KCNB2: variants seen among roughly 807,000 people sequenced by gnomAD.
KCNB2 encodes the protein potassium voltage-gated channel subfamily B member 2.
A neutral mutation model predicts 61.5 loss-of-function variants in KCNB2; 15 were observed. That is an observed-to-expected ratio of 0.24 (90% confidence interval 0.16 to 0.38). KCNB2 has a LOEUF of 0.38. Among genes scored for constraint, KCNB2 ranks in the 10% least tolerant of loss-of-function variants. The pLI is 1.00. For synonymous variants in KCNB2, 457 were observed against 446.0 expected, an observed-to-expected ratio of 1.02 and a Z score of -0.31; for missense variants, 828 against 1,125.2, an observed-to-expected ratio of 0.74 and a Z score of 3.78.
chr8:72,866,917 G>A (rs1805530435), intron 2 of KCNB2, among the ~76,000 whole-genome samples: 2 of 152,132 alleles, frequency 1.3e-5, no homozygotes, highest in Admixed American at 6.5e-5. Context: ...CCCAGTGTGT[G>A]CCTGTGGCCC....
chr8:72,771,113 T>C (rs745838455), intron 2 of KCNB2, among the ~76,000 whole-genome samples: 1 of 152,210 alleles, frequency 6.6e-6, no homozygotes, highest in Non-Finnish European at 1.5e-5. Flanking sequence ...AAAAATCATC[T>C]GAGGTTGCAA....
chr8:72,592,984 A>G (rs893663739), intron 2 of KCNB2, among the ~76,000 whole-genome samples: 4 of 152,112 alleles, frequency 2.6e-5, no homozygotes, highest in South Asian at 2.1e-4. Context: ...TAAATAAAAG[A>G]CTTTTTGAAT....
chr8:72,697,241 C>G (rs1338576461), intron 2 of KCNB2, among the ~76,000 whole-genome samples: 1 of 152,180 alleles, frequency 6.6e-6, no homozygotes, highest in East Asian at 1.9e-4. Context: ...TCCTACAACT[C>G]TGGTGCAGAT....
At chr8:72,666,320 T>A (rs1034615507) in intron 2 of KCNB2, among the ~76,000 whole-genome samples, 6 of 145,968 alleles carry the variant, frequency 4.1e-5, no homozygotes, top group Admixed American at 2.6e-4. Flanking sequence ...TAGTTCTTTC[T>A]GCTGCTTAAA....
intron 2 of KCNB2, among the ~76,000 whole-genome samples, chr8:72,822,663 C>A (rs983303903): frequency 1.3e-5 from 2 of 152,136 alleles, no homozygotes; most frequent in Admixed American, 6.5e-5. Flanking sequence ...TTTTAAGTGA[C>A]TATAAATCAG....
intron 2 of KCNB2, among the ~76,000 whole-genome samples, chr8:72,597,109 C>T (rs961153762): frequency 7.0e-6 from 1 of 142,568 alleles, no homozygotes; most frequent in African/African-American, 2.7e-5. Context: ...CTGCAACATT[C>T]GCCTCCTGGG....
At chr8:72,709,378 A>C (rs1284413884) in intron 2 of KCNB2, among the ~76,000 whole-genome samples, 1 of 152,056 alleles carries the variant, frequency 6.6e-6, no homozygotes, top group Non-Finnish European at 1.5e-5. Flanking sequence ...TTGCATCACT[A>C]TAAAGGTATA....
At chr8:72,663,014 C>G (rs1345478099) in intron 2 of KCNB2, among the ~76,000 whole-genome samples, 1 of 152,128 alleles carries the variant, frequency 6.6e-6, no homozygotes, top group Non-Finnish European at 1.5e-5. Flanking sequence ...GAGCTCCTCC[C>G]TACCATGGAG....
intron 2 of KCNB2, among the ~76,000 whole-genome samples, chr8:72,626,970 G>T (rs1045536257): frequency 6.6e-6 from 1 of 152,184 alleles, no homozygotes; most frequent in African/African-American, 2.4e-5. Flanking sequence ...CTAACTGGGG[G>T]CTCTAAGGGC....
intron 2 of KCNB2, among the ~76,000 whole-genome samples, chr8:72,842,953 T>G (rs1809919284): frequency 6.6e-6 from 1 of 152,232 alleles, no homozygotes; most frequent in African/African-American, 2.4e-5. Context: ...TGCTCTGATC[T>G]TAGTTATTAT....
chr8:72,813,129 G>A (rs1359778129), intron 2 of KCNB2, among the ~76,000 whole-genome samples: 2 of 152,156 alleles, frequency 1.3e-5, no homozygotes, highest in African/African-American at 4.8e-5. Context: ...ACAAAATGGG[G>A]TATTGGTTTC....
chr8:72,637,026 C>T (rs565379072), intron 2 of KCNB2, among the ~76,000 whole-genome samples: 2 of 147,950 alleles, frequency 1.4e-5, no homozygotes, highest in East Asian at 3.9e-4. Context: ...GATGCTCTTG[C>T]CTTGAGTGTA....
intron 2 of KCNB2, among the ~76,000 whole-genome samples, chr8:72,726,532 A>G (rs1411946518): frequency 6.6e-6 from 1 of 152,238 alleles, no homozygotes; most frequent in Non-Finnish European, 1.5e-5. Flanking sequence ...GAAAAGCCAG[A>G]CTATAAGACA....
intron 2 of KCNB2, among the ~76,000 whole-genome samples, chr8:72,801,002 C>A (rs1809116680): frequency 1.3e-5 from 2 of 152,142 alleles, no homozygotes; most frequent in Non-Finnish European, 2.9e-5. Context: ...TGCTCTGTTT[C>A]CTGTATGAGA....
intron 2 of KCNB2, among the ~76,000 whole-genome samples, chr8:72,762,882 AATAT>A (rs10551590): frequency 1.5e-3 from 217 of 141,534 alleles, no homozygotes; most frequent in Middle Eastern, 3.7e-3. Context: ...CATATTAACA[AATAT>A]ATATATATAT....
intron 2 of KCNB2, among the ~76,000 whole-genome samples, chr8:72,641,655 G>C (rs1033905089): frequency 3.3e-5 from 5 of 152,082 alleles, no homozygotes; most frequent in Non-Finnish European, 7.4e-5. Context: ...CCAAACACTA[G>C]AATCTGGGGA....
intron 2 of KCNB2, among the ~76,000 whole-genome samples, chr8:72,592,759 T>C (rs1392147790): frequency 1.3e-5 from 2 of 152,154 alleles, no homozygotes; most frequent in Non-Finnish European, 2.9e-5. Context: ...ACCCTGAAGG[T>C]CCATGCTAGA....
At chr8:72,911,680 T>A (rs922053300) in intron 2 of KCNB2, among the ~76,000 whole-genome samples, 1 of 152,218 alleles carries the variant, frequency 6.6e-6, no homozygotes, top group African/African-American at 2.4e-5. Context: ...GGGTGATTCT[T>A]ATTGTGCCAT....
intron 2 of KCNB2, among the ~76,000 whole-genome samples, chr8:72,746,444 GTTC>G (rs1342604679): frequency 6.6e-6 from 1 of 152,088 alleles, no homozygotes; most frequent in Non-Finnish European, 1.5e-5. Context: ...TCTTTAAAAT[GTTC>G]TTGTCTACTA....
Sources: allele counts gnomAD v4.1 joint callset (sites outside exome capture counted in the v4.1 genomes callset), GRCh38; gene constraint gnomAD v4.1.1; transcripts MANE v1.5; gene names NCBI Gene and HGNC (gene_info 2026-07-23, HGNC 2026-07-21).